Variants in GRXCR2 observed in about 807,000 individuals in gnomAD.
GRXCR2 encodes the protein glutaredoxin and cysteine rich domain containing 2, also known as glutaredoxin domain-containing cysteine-rich protein 2.
A neutral mutation model predicts 24.8 loss-of-function variants in GRXCR2; 23 were observed. That is an observed-to-expected ratio of 0.93 (90% CI 0.67 to 1.32). GRXCR2 has a LOEUF of 1.32. Among genes scored for constraint, GRXCR2 ranks in the 40% most tolerant of loss-of-function variants. GRXCR2 has a pLI of 0.00. For synonymous variants in GRXCR2, 130 were observed against 116.1 expected (o/e 1.12, Z -0.77); for missense variants, 315 against 303.4 (o/e 1.04, Z -0.28).
intron 2 of GRXCR2, among the ~76,000 whole-genome samples, chr5:145,884,921 G>C (rs1277248371): frequency 1.3e-5 from 2 of 152,080 alleles, no homozygotes; most frequent in Non-Finnish European, 2.9e-5. Flanking sequence ...TGGGATTTAG[G>C]AGATTATATT....
At chr5:145,904,576 A>C (rs1026216800) in intron 2 of GRXCR2, among the ~76,000 whole-genome samples, 2 of 152,134 alleles carry the variant, frequency 1.3e-5, no homozygotes, top group Non-Finnish European at 2.9e-5. Context: ...CCCTTCCTTG[A>C]GAATCTCTTC....
intron 2 of GRXCR2, among the ~76,000 whole-genome samples, chr5:145,925,218 A>G (rs752518929): frequency 6.6e-5 from 10 of 152,240 alleles, no homozygotes; most frequent in South Asian, 2.1e-4. Context: ...GGCACCAGCC[A>G]TCTGACTCCA....
chr5:145,859,665 A>G lies in GRXCR2; in HGVS notation c.*68T>C, dbSNP rs1383780959. Reference sequence around the variant, plus strand: ...TTGTTGGGAGAGGCAGGAGGAGGAGAAGGGGGCGGTTTATTAGAAATAACT... The same window carrying G: ...TTGTTGGGAGAGGCAGGAGGAGGAGGAGGGGGCGGTTTATTAGAAATAACT... On this transcript the variant is annotated 3_prime_UTR_variant, in exon 3 of 3. Coordinates refer to ENST00000377976, the MANE Select transcript of GRXCR2 (RefSeq NM_001080516.2). 6.8e-7 allele frequency: 1 copy of G among 1,463,788 alleles called. No homozygotes were observed. The allele number at this position is 1,463,788 out of a possible 1,614,324, so 90.7% of individuals were successfully genotyped here.
chr5:145,924,426 A>G (rs1757363801), intron 2 of GRXCR2, among the ~76,000 whole-genome samples: 1 of 152,004 alleles, frequency 6.6e-6, no homozygotes, highest in Non-Finnish European at 1.5e-5. Flanking sequence ...AATTCCCCCT[A>G]TGCTCTCTCC....
chr5:145,920,263 T>C (rs1396598148), intron 2 of GRXCR2, among the ~76,000 whole-genome samples: 1 of 152,162 alleles, frequency 6.6e-6, no homozygotes, highest in Non-Finnish European at 1.5e-5. Context: ...CAACGTGTGG[T>C]CCTGGATCCA....
chr5:145,859,482 C>T lies in GRXCR2; in HGVS notation c.*251G>A. 1 of 549,166 alleles carries T rather than the reference C, an allele frequency of 1.8e-6. No homozygotes were observed. 34.0% of individuals were successfully genotyped at this position (549,166 alleles called of 1,614,324 possible). On this transcript the variant is annotated 3_prime_UTR_variant, in exon 3 of 3. Coordinates refer to ENST00000377976, the MANE Select transcript of GRXCR2 (RefSeq NM_001080516.2). ...GTCAAGTGAGATACACTCACACCATCCTGGAAGGATAATTTTAGAACCAGT... is the reference window on the plus strand; with the variant it reads ...GTCAAGTGAGATACACTCACACCATTCTGGAAGGATAATTTTAGAACCAGT...
intron 2 of GRXCR2, among the ~76,000 whole-genome samples, chr5:145,882,324 GA>G (rs1173755186): frequency 1.3e-5 from 2 of 152,020 alleles, no homozygotes; most frequent in Non-Finnish European, 2.9e-5. Flanking sequence ...AAATGTACAA[GA>G]AAAAAACAAA....
intron 1 of GRXCR2, among the ~76,000 whole-genome samples, chr5:145,870,391 A>G (rs426963): frequency 0.021 from 3,168 of 152,196 alleles, 111 homozygotes; most frequent in African/African-American, 0.073. Context: ...GGTCAACCAC[A>G]TTGTGCATGT....
intron 2 of GRXCR2, among the ~76,000 whole-genome samples, chr5:145,923,341 T>G (rs941358191): frequency 1.3e-5 from 2 of 151,978 alleles, no homozygotes; most frequent in Non-Finnish European, 2.9e-5. Context: ...GCAATGAGCC[T>G]GCAAGAAAAA....
chr5:145,885,121 GTC>G (rs749423924), intron 2 of GRXCR2, among the ~76,000 whole-genome samples: 2,347 of 128,622 alleles, frequency 0.018, 62 homozygotes, highest in African/African-American at 0.056. Flanking sequence ...GTGTGTGTGT[GTC>G]TGTCTGTCTG....
chr5:145,892,417 C>A (rs1429465522), intron 2 of GRXCR2, among the ~76,000 whole-genome samples: 1 of 152,064 alleles, frequency 6.6e-6, no homozygotes, highest in Non-Finnish European at 1.5e-5. Flanking sequence ...ACTAGAATAA[C>A]CAATGCAGAG....
chr5:145,888,949 A>G (rs1054417432), intron 2 of GRXCR2, among the ~76,000 whole-genome samples: 1 of 152,008 alleles, frequency 6.6e-6, no homozygotes, highest in African/African-American at 2.4e-5. Context: ...CGAGGTGGGC[A>G]GGTCACTTGA....
intron 2 of GRXCR2, among the ~76,000 whole-genome samples, chr5:145,927,501 C>T (rs966258719): frequency 1.6e-4 from 24 of 152,126 alleles, no homozygotes; most frequent in Non-Finnish European, 2.8e-4. Flanking sequence ...TGGTTTTTGT[C>T]ATTGGTTCTG....
At chr5:145,930,882 C>T (rs1757468340) in intron 2 of GRXCR2, among the ~76,000 whole-genome samples, 3 of 152,308 alleles carry the variant, frequency 2.0e-5, no homozygotes, top group Admixed American at 6.5e-5. Context: ...GAAGTAGGTG[C>T]TACTAGCATC....
chr5:145,883,519 TTTAAC>T lies in GRXCR2; in HGVS notation c.-69-16796_-69-16792del, dbSNP rs567052707. 1.4e-3 allele frequency among the ~76,000 whole-genome samples: 208 copies of T among 152,304 alleles called. 1 individual carries two copies. The highest frequency in any genetic ancestry group is 4.6e-3 in the African/African-American group (192 of 41,570). On this transcript the variant is annotated intron_variant, in intron 2 of 3. Transcript: ENST00000639411. ...CCATTTTAATGCGAAAAGAAATGAC[TTTAAC>T]TTAAGCCAAACTCATAGAGGAACTG...
At chr5:145,921,893 CTATT>C (rs1757326544) in intron 2 of GRXCR2, among the ~76,000 whole-genome samples, 2 of 152,058 alleles carry the variant, frequency 1.3e-5, no homozygotes, top group South Asian at 4.1e-4. Flanking sequence ...AAATAAGTTG[CTATT>C]TATTTTCACT....
At chr5:145,930,490 C>T (rs1581360265) in intron 2 of GRXCR2, among the ~76,000 whole-genome samples, 3 of 152,116 alleles carry the variant, frequency 2.0e-5, no homozygotes, top group Non-Finnish European at 2.9e-5. Flanking sequence ...TTTACTTTCA[C>T]CTTCAAATTG....
rs192802632 is a variant in GRXCR2, at chr5:145,886,089, A to C, written c.-69-19361T>G. On this transcript the variant is annotated intron_variant, in intron 2 of 3. Transcript: ENST00000639411. ...AGATAATTCTTTTAAAATGAGGCAG[A>C]AAATGATTTTAACTAGTCTCATCAT... Among the ~76,000 whole-genome samples the C allele has an allele frequency of 4.0e-3, 616 of 152,342 alleles. 4 individuals carry two copies. The highest frequency in any genetic ancestry group is 0.014 in the African/African-American group (595 of 41,580).
At chr5:145,864,535 A>G (rs1327626362) in intron 2 of GRXCR2, among the ~76,000 whole-genome samples, 1 of 152,128 alleles carries the variant, frequency 6.6e-6, no homozygotes, top group Non-Finnish European at 1.5e-5. Context: ...TGATTGGATC[A>G]TGGGGGCAGT....
Sources: allele counts gnomAD v4.1 joint callset (sites outside exome capture counted in the v4.1 genomes callset), GRCh38; gene constraint gnomAD v4.1.1; transcripts MANE v1.5; gene names NCBI Gene and HGNC (gene_info 2026-07-23, HGNC 2026-07-21).